DNAAF4: variants seen among roughly 807,000 people sequenced by gnomAD.
The protein encoded by DNAAF4 is dynein assembly factor 4, axonemal.
In DNAAF4, 43 loss-of-function variants were observed where a neutral mutation model predicts 51.8. The observed-to-expected ratio is 0.83, with a 90% confidence interval of 0.65 to 1.07. The LOEUF is 1.07. DNAAF4 is among the 50% of genes least tolerant of loss of function. DNAAF4 has a pLI of 0.00. For synonymous variants in DNAAF4, 194 were observed against 165.6 expected (o/e 1.17, Z -1.32); for missense variants, 581 against 493.0 (o/e 1.18, Z -1.69).
At chr15:55,421,899 TATAATA>T (rs72198850) in intron 7 of DNAAF4, among the ~76,000 whole-genome samples, 66,629 of 139,382 alleles carry the variant, frequency 0.48, 17,285 homozygotes, top group East Asian at 0.78. Flanking sequence ...CAAAAAAATG[TATAATA>T]ATAATAATAA....
chr15:55,424,512 G>A (rs1224898289), intron 7 of DNAAF4, among the ~76,000 whole-genome samples: 3 of 152,182 alleles, frequency 2.0e-5, no homozygotes, highest in African/African-American at 7.2e-5. Context: ...TGGCTTGCTA[G>A]TGATTAAGAG....
At chr15:55,503,736 A>G (rs1345508714) in intron 1 of DNAAF4, among the ~76,000 whole-genome samples, 2 of 152,336 alleles carry the variant, frequency 1.3e-5, no homozygotes, top group South Asian at 2.1e-4. Flanking sequence ...CTTTCATGCT[A>G]AAAACTCTCA....
chr15:55,457,414 G>T (rs115839547), intron 5 of DNAAF4, among the ~76,000 whole-genome samples: 1,830 of 152,256 alleles, frequency 0.012, 50 homozygotes, highest in African/African-American at 0.043. Context: ...CCCAAGGGGA[G>T]CCTGAGCCCA....
At chr15:55,431,943 G>A (rs916329171) in intron 9 of DNAAF4, among the ~76,000 whole-genome samples, 11 of 151,768 alleles carry the variant, frequency 7.2e-5, no homozygotes, top group African/African-American at 2.7e-4. Context: ...ATGAAGAGTT[G>A]TCTGGTAATA....
chr15:55,425,999 C>A (rs1181898208), downstream of DNAAF4, among the ~76,000 whole-genome samples: 1 of 152,174 alleles, frequency 6.6e-6, no homozygotes, highest in Non-Finnish European at 1.5e-5. Context: ...CTAATCAAAT[C>A]AGACTGCCCA....
At chr15:55,491,340 G>C in intron 3 of DNAAF4, 84 bp from the exon 4 acceptor site, 1 of 1,377,982 alleles carries the variant, frequency 7.3e-7, no homozygotes, top group Non-Finnish European at 9.8e-7. Flanking sequence ...AACTGACCCA[G>C]GATGAGATTT....
chr15:55,442,820 T>G, intron 6 of DNAAF4: 23 of 1,612,916 alleles, frequency 1.4e-5, no homozygotes, highest in Non-Finnish European at 1.9e-5. Context: ...ATGTTGAGAT[T>G]GGCAGTCATG....
intron 4 of DNAAF4, among the ~76,000 whole-genome samples, chr15:55,469,577 G>T (rs184899240): frequency 3.4e-4 from 45 of 131,594 alleles, no homozygotes; most frequent in Admixed American, 2.0e-3. Flanking sequence ...CCGCCTCCTG[G>T]GTTCATGCCA....
chr15:55,418,271 G>C (rs1274396979), intron 7 of DNAAF4: 1 of 1,553,874 alleles, frequency 6.4e-7, no homozygotes, highest in Admixed American at 2.0e-5. Flanking sequence ...AATGAAATCT[G>C]AACAACTGCC....
intron 5 of DNAAF4, among the ~76,000 whole-genome samples, chr15:55,453,708 G>T (rs923449725): frequency 6.6e-6 from 1 of 151,520 alleles, no homozygotes; most frequent in Admixed American, 6.6e-5. Context: ...CCACCACCAC[G>T]TCCAGCTAAT....
intron 5 of DNAAF4, among the ~76,000 whole-genome samples, chr15:55,452,865 A>C (rs558643141): frequency 6.6e-6 from 1 of 152,320 alleles, no homozygotes; most frequent in Admixed American, 6.5e-5. Context: ...TGATATAGGT[A>C]CAGAGGTGGG....
intron 8 of DNAAF4, among the ~76,000 whole-genome samples, chr15:55,432,907 G>A (rs1458668798): frequency 6.6e-6 from 1 of 151,760 alleles, no homozygotes; most frequent in Admixed American, 6.6e-5. Context: ...CCGAGATCGC[G>A]CCACTGAACT....
chr15:55,507,559 CCAT>C (rs968537104), intron 1 of DNAAF4, among the ~76,000 whole-genome samples: 1 of 152,104 alleles, frequency 6.6e-6, no homozygotes, highest in Non-Finnish European at 1.5e-5. Flanking sequence ...CAAAGAGAAA[CCAT>C]CATAAGTCAG....
At chr15:55,418,321 G>A (rs1157484575) in intron 7 of DNAAF4, 1 of 1,544,800 alleles carries the variant, frequency 6.5e-7, no homozygotes, top group African/African-American at 1.4e-5. Flanking sequence ...TTTCATGTAT[G>A]TTGGATCCAA....
At chr15:55,435,670 G>T (rs2141412903) in intron 7 of DNAAF4, among the ~76,000 whole-genome samples, 2 of 152,242 alleles carry the variant, frequency 1.3e-5, no homozygotes, top group Middle Eastern at 6.8e-3. Flanking sequence ...AAAAAATTGG[G>T]TTTTTTGGTT....
At chr15:55,421,046 C>T (rs1022760330) in intron 7 of DNAAF4, among the ~76,000 whole-genome samples, 2 of 151,866 alleles carry the variant, frequency 1.3e-5, no homozygotes, top group Middle Eastern at 3.2e-3. Flanking sequence ...AAAAATTAGC[C>T]AGGCGTGGTG....
intron 5 of DNAAF4, among the ~76,000 whole-genome samples, chr15:55,465,920 T>C (rs1233102724): frequency 2.0e-5 from 3 of 151,990 alleles, no homozygotes; most frequent in African/African-American, 7.2e-5. Flanking sequence ...GGCATAAGAA[T>C]GATATGGGCC....
chr15:55,485,409 G>A (rs1301300948), intron 4 of DNAAF4, among the ~76,000 whole-genome samples: 1 of 152,160 alleles, frequency 6.6e-6, no homozygotes, highest in African/African-American at 2.4e-5. Context: ...CAGGGCATGT[G>A]TATTCACTGA....
chr15:55,469,166 A>G (rs1382214156), intron 4 of DNAAF4, among the ~76,000 whole-genome samples: 3 of 151,982 alleles, frequency 2.0e-5, no homozygotes, highest in African/African-American at 7.2e-5. Flanking sequence ...CCCTGTCTCT[A>G]CTAAAAAATA....
Sources: allele counts gnomAD v4.1 joint callset (sites outside exome capture counted in the v4.1 genomes callset), GRCh38; gene constraint gnomAD v4.1.1; transcripts MANE v1.5; gene names NCBI Gene and HGNC (gene_info 2026-07-23, HGNC 2026-07-21).